PDCD11: variants seen among roughly 807,000 people sequenced by gnomAD.
The protein encoded by PDCD11 is protein RRP5 homolog.
PDCD11 carries 97 observed loss-of-function variants against 198.9 expected under a neutral mutation model. The observed-to-expected ratio is 0.49, with a 90% CI of 0.41 to 0.58. The LOEUF (loss-of-function observed/expected upper bound fraction) is 0.58, where lower values mean the gene tolerates loss of function less well. Ranked by LOEUF, PDCD11 falls within the 20% of genes least tolerant of loss-of-function variation. The pLI is 0.00. For missense variants in PDCD11, 2,102 were observed against 2,312.7 expected, an observed-to-expected ratio of 0.91 and a Z score of 1.87; for synonymous variants, 893 against 918.0, an observed-to-expected ratio of 0.97 and a Z score of 0.49.
At chr10:103,441,661 A>G (rs1395532025) in intron 30 of PDCD11, among the ~76,000 whole-genome samples, 165 bp from the exon 31 acceptor site, 1 of 152,228 alleles carries the variant, frequency 6.6e-6, no homozygotes, top group East Asian at 1.9e-4. Flanking sequence ...ACTGCTATAA[A>G]GTTTCCCCAG....
At chr10:103,421,212 T>G in intron 16 of PDCD11, 136 bp from the exon 17 acceptor site, 1 of 653,726 alleles carries the variant, frequency 1.5e-6, no homozygotes, top group South Asian at 1.8e-5. Flanking sequence ...GAAGTAGAGC[T>G]GTGTTCAGAG....
At chr10:103,423,691 T>G (rs762820615) in intron 19 of PDCD11, 33 bp downstream of exon 19, 1 of 1,394,044 alleles carries the variant, frequency 7.2e-7, no homozygotes, top group South Asian at 1.2e-5. Flanking sequence ...TTTCCATGGT[T>G]TCACATGATG....
At chr10:103,403,890 A>C (rs2030276470) in intron 4 of PDCD11, among the ~76,000 whole-genome samples, 1 of 152,188 alleles carries the variant, frequency 6.6e-6, no homozygotes, top group Admixed American at 6.6e-5. Context: ...TAGAGGTGTC[A>C]GGGCTGAGTT....
intron 35 of PDCD11, 64 bp from the exon 36 acceptor site, chr10:103,445,314 T>G (rs1380257966): frequency 1.3e-6 from 2 of 1,525,718 alleles, no homozygotes; most frequent in East Asian, 2.2e-5. Flanking sequence ...AGTGGGTGAG[T>G]GCTAGGCAGG....
In PDCD11 at chr10:103,444,576, G is replaced by T. The variant is rs763273212; in HGVS notation, c.5338G>T (p.Ala1780Ser). Residue 1780 changes from alanine to serine, a missense_variant, in exon 35 of 36, where the codon GCC (alanine) becomes TCC (serine). Coordinates refer to ENST00000369797, the MANE Select transcript of PDCD11 (RefSeq NM_014976.2). ...LEFQLGDAER[A>S]KAIFENTLST... ...GTTTCAGCTGGGGGATGCAGAGCGGGCCAAAGCCATTTTTGAGAACACGCT... is the reference window on the plus strand; with the variant it reads ...GTTTCAGCTGGGGGATGCAGAGCGGTCCAAAGCCATTTTTGAGAACACGCT... 12 of 1,614,048 alleles carry T rather than the reference G, an allele frequency of 7.4e-6. No homozygotes were observed. The highest frequency in any genetic ancestry group is 5.9e-6 in the Non-Finnish European group (7 of 1,180,022).
At chr10:103,399,107 G>GTTT (rs71019680) in intron 2 of PDCD11, among the ~76,000 whole-genome samples, 40 of 125,960 alleles carry the variant, frequency 3.2e-4, no homozygotes, top group Non-Finnish European at 4.4e-4. Flanking sequence ...AGAGGAAGCA[G>GTTT]TTTTTTTTTT....
rs2030028500 is a variant in PDCD11, at chr10:103,401,282, A to G, written c.234+754A>G. On this transcript the variant is annotated intron_variant, in intron 3 of 35. Transcript: ENST00000369797. The stretch of plus-strand genomic sequence containing the variant: ...TGAAATTATTTTATTTTATTTATTT[A>G]TTTATTTTGAGACGGAATCTCTCTC... Among the ~76,000 whole-genome samples the G allele has an allele frequency of 2.0e-5, 3 of 151,214 alleles. No individual in the cohort carries two copies. In the South Asian group the frequency reaches 6.3e-4, roughly 32 times the overall value.
At chr10:103,408,357 G>A (rs2030589247) in intron 7 of PDCD11, among the ~76,000 whole-genome samples, 1 of 151,808 alleles carries the variant, frequency 6.6e-6, no homozygotes, top group South Asian at 2.1e-4. Flanking sequence ...TTACTCCCTC[G>A]TTTTAGTGTG....
At chr10:103,397,167 C>G in intron 1 of PDCD11, among the ~76,000 whole-genome samples, 1 of 151,712 alleles carries the variant, frequency 6.6e-6, no homozygotes, top group South Asian at 2.1e-4. Context: ...CACTTATACC[C>G]AGTTCTGGTT....
intron 26 of PDCD11, 62 bp from the exon 27 acceptor site, chr10:103,438,624 A>T (rs924634293): frequency 2.5e-6 from 4 of 1,604,914 alleles, no homozygotes; most frequent in Non-Finnish European, 3.4e-6. Context: ...TTGCAGGTGT[A>T]TTGGGGGTGG....
In PDCD11 at chr10:103,417,700, C is replaced by T. The variant is rs537754308; in HGVS notation, c.1771-92C>T. On this transcript the variant is annotated intron_variant, in intron 13 of 35. Transcript: ENST00000369797. ...CTGATCCAAAGGCTCGGTAGATCTC[C>T]CAAGTCCTCTGCAGCAGTAGTGGAG... 6 of 1,374,518 alleles carry T rather than the reference C, an allele frequency of 4.4e-6. No homozygotes were observed. In the South Asian group the frequency reaches 5.3e-5, roughly 12 times the overall value. The allele number at this position is 1,374,518 out of a possible 1,614,324, so 85.1% of individuals were successfully genotyped here. A position where few individuals can be genotyped will look rare whatever the true frequency, so the allele number is the denominator to read the frequency against.
At position 103,439,753 on chromosome 10, in the gene PDCD11, C is replaced by T. The variant is rs778278454; in HGVS notation, c.4033C>T (p.Pro1345Ser). The T allele has an allele frequency of 1.2e-6, 2 of 1,614,104 alleles. No homozygotes were observed. Among genetic ancestry groups the T allele is most frequent in the Non-Finnish European group, 1.7e-6 (2 of 1,180,024 alleles). The change falls in exon 28 of 36, where the codon CCC (proline) becomes TCC (serine). Residue 1345 changes from proline (P) to serine (S), a missense_variant. Pro to Ser is a moderately conservative substitution (Grantham distance 74). Coordinates refer to ENST00000369797, the MANE Select transcript of PDCD11 (RefSeq NM_014976.2). ...TTGCCTCTCTCCTTTCAGCCTTGGCCCCTCCGTTGTGGGTTTGGCTCGGTA... is the reference window on the plus strand; with the variant it reads ...TTGCCTCTCTCCTTTCAGCCTTGGCTCCTCCGTTGTGGGTTTGGCTCGGTA... Reference protein sequence around the residue: ...QPHGVFFRLGPSVVGLARYSH... With the variant: ...QPHGVFFRLGSSVVGLARYSH...
intron 8 of PDCD11, among the ~76,000 whole-genome samples, chr10:103,410,513 T>C (rs1270804862): frequency 6.6e-6 from 1 of 152,062 alleles, no homozygotes; most frequent in African/African-American, 2.4e-5. Flanking sequence ...TGAAAAAAAT[T>C]TTAAAAAGTA....
At chr10:103,431,341 A>G (rs2031924870) in intron 21 of PDCD11, among the ~76,000 whole-genome samples, 1 of 152,124 alleles carries the variant, frequency 6.6e-6, no homozygotes, top group Non-Finnish European at 1.5e-5. Flanking sequence ...CCATAATCTC[A>G]GCACTCTGGG....
At chr10:103,420,831 C>T (rs560234816) in intron 16 of PDCD11, among the ~76,000 whole-genome samples, 1 of 151,898 alleles carries the variant, frequency 6.6e-6, no homozygotes, top group East Asian at 1.9e-4. Context: ...ACTGGGTGCC[C>T]TCTCCTGGAG....
At chr10:103,418,810 C>T (rs1174744828) in intron 15 of PDCD11, among the ~76,000 whole-genome samples, 176 bp downstream of exon 15, 2 of 152,112 alleles carry the variant, frequency 1.3e-5, no homozygotes, top group African/African-American at 4.8e-5. Flanking sequence ...GTGCTGCCAG[C>T]AGATGCTGGT....
At chr10:103,425,928 C>T (rs1294836741) in intron 20 of PDCD11, among the ~76,000 whole-genome samples, 1 of 152,128 alleles carries the variant, frequency 6.6e-6, no homozygotes, top group African/African-American at 2.4e-5. Flanking sequence ...ATTTGCTCAC[C>T]TCCACCTCCC....
chr10:103,419,023 A>G (rs1391396329), intron 15 of PDCD11, among the ~76,000 whole-genome samples: 2 of 150,926 alleles, frequency 1.3e-5, no homozygotes, highest in African/African-American at 2.4e-5. Flanking sequence ...CCGCGGGGCT[A>G]TAGGCTCAGG....
At chr10:103,417,958 A>G (rs2133704629) in intron 14 of PDCD11, 26 bp downstream of exon 14, 1 of 1,612,526 alleles carries the variant, frequency 6.2e-7, no homozygotes, top group South Asian at 1.1e-5. Flanking sequence ...TGGACAAGCT[A>G]TTTTATGTTA....
Sources: allele counts gnomAD v4.1 joint callset (sites outside exome capture counted in the v4.1 genomes callset), GRCh38; gene constraint gnomAD v4.1.1; transcripts MANE v1.5; gene names NCBI Gene and HGNC (gene_info 2026-07-23, HGNC 2026-07-21).